SEMA4D: variants seen among roughly 807,000 people sequenced by gnomAD.
SEMA4D encodes the protein semaphorin 4D.
SEMA4D carries 22 observed loss-of-function variants against 74.8 expected under a neutral mutation model. That is an observed-to-expected ratio of 0.29 (90% CI 0.21 to 0.42). The LOEUF (loss-of-function observed/expected upper bound fraction) is 0.42. Among genes scored for constraint, SEMA4D ranks in the 10% least tolerant of loss-of-function variants. The pLI is 1.00. For missense variants in SEMA4D, 937 were observed against 1,118.4 expected, an observed-to-expected ratio of 0.84 and a Z score of 2.31; for synonymous variants, 445 against 463.7, an observed-to-expected ratio of 0.96 and a Z score of 0.52.
chr9:89,472,920 C>G (rs1860761168), intron 1 of SEMA4D, among the ~76,000 whole-genome samples: 1 of 151,984 alleles, frequency 6.6e-6, no homozygotes, highest in Non-Finnish European at 1.5e-5. Context: ...ATAGTGAGAC[C>G]CCATCTCTAT....
At chr9:89,361,982 T>TA (rs1254566648) in exon 19 of SEMA4D, 4 of 273,172 alleles carry the variant, frequency 1.5e-5, no homozygotes, top group African/African-American at 8.5e-5. Flanking sequence ...TGTTGGCTAT[T>TA]AGGGGGTGGG....
chr9:89,482,566 G>C (rs960201292), intron 1 of SEMA4D, among the ~76,000 whole-genome samples: 1 of 152,232 alleles, frequency 6.6e-6, no homozygotes, highest in African/African-American at 2.4e-5. Context: ...AGGGCCCCCA[G>C]CCCAGCAGTT....
chr9:89,453,636 G>T (rs1252514235), intron 2 of SEMA4D, among the ~76,000 whole-genome samples: 3 of 152,134 alleles, frequency 2.0e-5, no homozygotes, highest in African/African-American at 7.2e-5. Context: ...GCCCTCGCTG[G>T]GTGGACACAC....
intron 2 of SEMA4D, among the ~76,000 whole-genome samples, chr9:89,431,810 T>C (rs992637485): frequency 6.6e-6 from 1 of 152,204 alleles, no homozygotes; most frequent in African/African-American, 2.4e-5. Flanking sequence ...ATTCTCTCTT[T>C]TGATGGTTTC....
At chr9:89,441,986 G>A (rs1227380988) in intron 2 of SEMA4D, among the ~76,000 whole-genome samples, 1 of 152,164 alleles carries the variant, frequency 6.6e-6, no homozygotes, top group Admixed American at 6.5e-5. Flanking sequence ...CTTCCCCATT[G>A]GACTGTAAGG....
At chr9:89,450,587 T>A (rs1291802617) in intron 2 of SEMA4D, 1 of 922,352 alleles carries the variant, frequency 1.1e-6, no homozygotes, top group African/African-American at 1.8e-5. Context: ...CTGACCTCTA[T>A]AAGTCTGAGA....
Position 89,381,902 on chromosome 9 carries a change from C to T in SEMA4D, c.1447-556G>A, listed in dbSNP as rs902515179. On this transcript the variant is annotated intron_variant, in intron 13 of 15. Coordinates refer to ENST00000422704, the MANE Select transcript of SEMA4D (RefSeq NM_001371194.2). This position sits in a 1 kb window ranked among gnomAD's most constrained non-coding sequence, Gnocchi z 4.6. ...ACAGGGATGCCAAACGGACGACATGCAAAGGATGAGGAGATCGTGATACAA... is the reference window on the plus strand; with the variant it reads ...ACAGGGATGCCAAACGGACGACATGTAAAGGATGAGGAGATCGTGATACAA... 3 of 152,676 alleles carry T rather than the reference C, an allele frequency of 2.0e-5. No individual in the cohort carries two copies. The highest frequency in any genetic ancestry group is 7.2e-5 in the African/African-American group (3 of 41,468). The allele number at this position is 152,676 out of a possible 1,614,324, so 9.5% of individuals were successfully genotyped here. A position where few individuals can be genotyped will look rare whatever the true frequency, so the allele number is the denominator to read the frequency against.
intron 1 of SEMA4D, among the ~76,000 whole-genome samples, chr9:89,483,080 G>A (rs918418136): frequency 3.9e-5 from 6 of 152,148 alleles, no homozygotes; most frequent in African/African-American, 7.2e-5. Flanking sequence ...CTCTGGTTTC[G>A]CCAAGCTGGC....
rs1564026459 is a variant in SEMA4D, at chr9:89,497,993, G to GGCGGCA, written c.-390_-385dup. 3.4e-5 allele frequency: 5 copies of GGCGGCA among 147,554 alleles called. No individual in the cohort carries two copies. Among genetic ancestry groups the GGCGGCA allele is most frequent in the South Asian group, 1.8e-4 (1 of 5,664 alleles). The allele number at this position is 147,554 out of a possible 1,614,324, so 9.1% of individuals were successfully genotyped here. A position where few individuals can be genotyped will look rare whatever the true frequency, so the allele number is the denominator to read the frequency against. On this transcript the variant is annotated 5_prime_UTR_variant, in exon 1 of 16. Coordinates refer to ENST00000422704, the MANE Select transcript of SEMA4D (RefSeq NM_001371194.2). The stretch of plus-strand genomic sequence containing the variant: ...CGCCAGGAATGGCGGCGGCGGCGGC[G>GGCGGCA]GCGGCAGCGGCGGGAGGCGGCCGGG...
intron 7 of SEMA4D, 63 bp from the exon 8 acceptor site, chr9:89,392,599 T>C: frequency 2.0e-6 from 2 of 990,006 alleles, no homozygotes; most frequent in South Asian, 2.6e-5. Context: ...GCACCAACAC[T>C]GGGACAAACA....
intron 2 of SEMA4D, among the ~76,000 whole-genome samples, chr9:89,419,252 C>T (rs910630569): frequency 1.3e-5 from 2 of 152,212 alleles, no homozygotes; most frequent in Non-Finnish European, 2.9e-5. Context: ...GTCTTCCCTC[C>T]AGCAGTGGAT....
chr9:89,462,935 T>C (rs1332005113), intron 1 of SEMA4D, among the ~76,000 whole-genome samples: 1 of 78 alleles, frequency 0.013, no homozygotes, highest in African/African-American at 0.1. Flanking sequence ...AGAGCAAGAC[T>C]GTGCTGGAAA....
chr9:89,437,590 G>A (rs73654791), intron 2 of SEMA4D, among the ~76,000 whole-genome samples: 2,425 of 152,082 alleles, frequency 0.016, 74 homozygotes, highest in African/African-American at 0.055. Flanking sequence ...GCATGACTGG[G>A]CTCAGTGACA....
chr9:89,380,325 G>C (rs989065030), intron 15 of SEMA4D, among the ~76,000 whole-genome samples: 9 of 151,912 alleles, frequency 5.9e-5, no homozygotes, highest in African/African-American at 2.2e-4. Context: ...GAGCCACTGT[G>C]CCCGGCCAGC....
intron 2 of SEMA4D, among the ~76,000 whole-genome samples, chr9:89,449,384 G>A (rs116326370): frequency 6.6e-5 from 10 of 152,316 alleles, no homozygotes; most frequent in Non-Finnish European, 7.3e-5. Flanking sequence ...CCTACCAGGC[G>A]AGCCACAGGT....
chr9:89,361,686 C>T (rs998397827), exon 19 of SEMA4D: 1 of 152,216 alleles, frequency 6.6e-6, no homozygotes, highest in African/African-American at 2.4e-5. Context: ...TGTCCTGTTG[C>T]AGAAGCTGAG....
At position 89,405,550 on chromosome 9, in the gene SEMA4D, A is replaced by G; in HGVS notation, c.-94T>C. ...TATTGCAGATGCGGCTCAGCGCCCC[A>G]GGACCAGGGCCAGCAGCACAGCCTG... On this transcript the variant is annotated 5_prime_UTR_variant, in exon 3 of 16. Coordinates refer to ENST00000422704, the MANE Select transcript of SEMA4D (RefSeq NM_001371194.2). 1 of 1,544,474 alleles carries G rather than the reference A, an allele frequency of 6.5e-7. No homozygotes were observed. Among genetic ancestry groups the G allele is most frequent in the Non-Finnish European group, 8.7e-7 (1 of 1,149,992 alleles).
At chr9:89,426,178 C>T (rs1848060999) in intron 2 of SEMA4D, among the ~76,000 whole-genome samples, 1 of 152,232 alleles carries the variant, frequency 6.6e-6, no homozygotes, top group Non-Finnish European at 1.5e-5. Context: ...AGCCCAGCTG[C>T]AAAGGCGCCA....
chr9:89,391,629 C>T (rs1200507972), intron 8 of SEMA4D, among the ~76,000 whole-genome samples: 1 of 152,236 alleles, frequency 6.6e-6, no homozygotes, highest in African/African-American at 2.4e-5. Context: ...CCCACCTCCT[C>T]GGCCTCAGAG....
Sources: gnomAD v4.1 joint callset for allele counts (sites outside exome capture counted in the v4.1 genomes callset) on GRCh38, gnomAD v4.1.1 for gene constraint, Gnocchi (gnomAD v3.1) non-coding constraint, MANE v1.5 for transcripts, NCBI Gene and HGNC (gene_info 2026-07-23, HGNC 2026-07-21) for gene names.